DYM: variants seen among roughly 807,000 people sequenced by gnomAD.
DYM encodes the protein dymeclin.
Under a neutral mutation model 93.1 loss-of-function variants are expected in DYM, and 78 were observed. That is an observed-to-expected ratio of 0.84 (90% confidence interval 0.70 to 1.01). DYM has a LOEUF of 1.01. Ranked by LOEUF, DYM falls within the 50% of genes least tolerant of loss-of-function variation. The pLI, the probability that DYM is intolerant of heterozygous loss-of-function variation, is 0.00. For missense variants in DYM, 789 were observed against 845.0 expected (o/e 0.93, Z 0.82); for synonymous variants, 321 against 319.7 (o/e 1.00, Z -0.04).
intron 5 of DYM, among the ~76,000 whole-genome samples, chr18:49,372,010 T>C (rs550513506): frequency 6.6e-6 from 1 of 152,368 alleles, no homozygotes; most frequent in African/African-American, 2.4e-5. Flanking sequence ...AAATGCTGTA[T>C]GTGGAATAAG....
chr18:49,365,028 C>G (rs2066394483), intron 5 of DYM, among the ~76,000 whole-genome samples: 1 of 152,116 alleles, frequency 6.6e-6, no homozygotes, highest in Non-Finnish European at 1.5e-5. Flanking sequence ...GGACTCTATA[C>G]TTCTAGAGGA....
intron 6 of DYM, among the ~76,000 whole-genome samples, chr18:49,345,210 G>C (rs903305033): frequency 1.3e-5 from 2 of 152,002 alleles, no homozygotes. Context: ...TCCCACCAAA[G>C]AGAAGGGGGA....
At chr18:49,216,131 A>C (rs967880936) in intron 13 of DYM, among the ~76,000 whole-genome samples, 1 of 152,228 alleles carries the variant, frequency 6.6e-6, no homozygotes, top group African/African-American at 2.4e-5. Context: ...TCCTACACCC[A>C]CGGAGTCTCA....
chr18:49,221,472 C>T (rs1429243741), intron 13 of DYM, among the ~76,000 whole-genome samples: 2 of 152,078 alleles, frequency 1.3e-5, no homozygotes, highest in East Asian at 3.8e-4. Flanking sequence ...TTTATTGCAG[C>T]ACTATTCACA....
intron 14 of DYM, among the ~76,000 whole-genome samples, chr18:49,174,933 A>G (rs2089214575): frequency 6.6e-6 from 1 of 152,198 alleles, no homozygotes; most frequent in Non-Finnish European, 1.5e-5. Context: ...TTAATACACC[A>G]TAACAGAAAA....
chr18:49,079,612 G>C (rs1167964399), intron 17 of DYM, among the ~76,000 whole-genome samples: 1 of 151,440 alleles, frequency 6.6e-6, no homozygotes, highest in Non-Finnish European at 1.5e-5. Flanking sequence ...GACTCTTAAC[G>C]AGCATGCTGC....
chr18:49,385,466 G>A (rs111583330), intron 3 of DYM, among the ~76,000 whole-genome samples: 1,657 of 152,212 alleles, frequency 0.011, 29 homozygotes, highest in African/African-American at 0.038. Flanking sequence ...AGGCCAAGGC[G>A]GGTGGATCAC....
chr18:49,420,605 C>A (rs952887838), intron 2 of DYM, among the ~76,000 whole-genome samples: 1 of 152,114 alleles, frequency 6.6e-6, no homozygotes, highest in African/African-American at 2.4e-5. Flanking sequence ...ACACAGAAGA[C>A]GGGTGATTTC....
rs1344713107 is a variant in DYM, at chr18:49,292,622, A to C, written c.764-6006T>G. On this transcript the variant is annotated intron_variant, in intron 8 of 17. Transcript: ENST00000675505. ...AAAAAAAAAAAAAAAAAAAAAAAAA[A>C]AAACCCCCACAAAAACCTGTCCACC... Among the ~76,000 whole-genome samples, 625 of 85,410 alleles carry C rather than the reference A, an allele frequency of 7.3e-3. 52 individuals carry two copies. The highest frequency in any genetic ancestry group is 0.011 in the Non-Finnish European group (438 of 40,522). 56.0% of individuals were successfully genotyped at this position (85,410 alleles called of 152,430 possible).
intron 1 of DYM, among the ~76,000 whole-genome samples, chr18:49,450,264 G>GTTGTAAAGGGT (rs1470808885): frequency 6.6e-6 from 1 of 152,190 alleles, no homozygotes; most frequent in Non-Finnish European, 1.5e-5. Flanking sequence ...AACAAAAGGG[G>GTTGTAAAGGGT]TTGTAAAGGG....
At chr18:49,272,467 A>G (rs568866312) in intron 10 of DYM, among the ~76,000 whole-genome samples, 164 bp from the exon 11 acceptor site, 1 of 152,304 alleles carries the variant, frequency 6.6e-6, no homozygotes, top group Non-Finnish European at 1.5e-5. Context: ...TATTTTCCAA[A>G]TGTATAGCTA....
rs1352679512 is a variant in DYM, at chr18:49,244,030, G to A, written c.1460+12980C>T. ...TTTTTTTTTAAAAAAGTCATTAACA[G>A]GAGGAGTGTCACATTGAGTTCCTAT... On this transcript the variant is annotated intron_variant, in intron 13 of 17. Coordinates refer to ENST00000675505, the MANE Select transcript of DYM (RefSeq NM_001353214.3). Among the ~76,000 whole-genome samples, 4 of 148,152 alleles carry A rather than the reference G, an allele frequency of 2.7e-5. No homozygotes were observed. The South Asian group carries it at 8.6e-4, about 32-fold the overall frequency.
chr18:49,336,104 G>T (rs2063651051), intron 6 of DYM, among the ~76,000 whole-genome samples: 1 of 152,182 alleles, frequency 6.6e-6, no homozygotes. Flanking sequence ...ATGAGCCATC[G>T]TGCCAGACTG....
intron 14 of DYM, among the ~76,000 whole-genome samples, chr18:49,194,028 G>C (rs1287099527): frequency 1.3e-5 from 2 of 152,120 alleles, no homozygotes; most frequent in African/African-American, 2.4e-5. Context: ...TAAATCTAAG[G>C]GCTGGCATCA....
intron 6 of DYM, among the ~76,000 whole-genome samples, chr18:49,344,627 T>C (rs2064431289): frequency 6.6e-6 from 1 of 152,126 alleles, no homozygotes; most frequent in Admixed American, 6.5e-5. Context: ...TTTATGTAAG[T>C]TAGTAATAGG....
chr18:49,202,718 G>A (rs2092121239), intron 14 of DYM, among the ~76,000 whole-genome samples: 1 of 62,480 alleles, frequency 1.6e-5, no homozygotes, highest in Non-Finnish European at 3.3e-5. Context: ...GTCTATGCCT[G>A]GCCGCCCCGT....
At chr18:49,332,556 A>T (rs993217699) in intron 7 of DYM, among the ~76,000 whole-genome samples, 2 of 152,210 alleles carry the variant, frequency 1.3e-5, no homozygotes, top group East Asian at 3.8e-4. Context: ...TAACAATAGG[A>T]CTACACTTTT....
intron 2 of DYM, among the ~76,000 whole-genome samples, chr18:49,399,041 C>T (rs1165912414): frequency 1.3e-5 from 2 of 152,200 alleles, no homozygotes; most frequent in Admixed American, 6.5e-5. Context: ...TTCGAAGCTG[C>T]TAAATTTGTT....
In DYM at chr18:49,308,479, C is replaced by G. The variant is rs923476991; in HGVS notation, c.764-21863G>C. ...TCATGAAAACATCCCGGCTTTGAAG[C>G]CACACATGATTTTAAAGTCCAGTCC... is the stretch of plus-strand genomic sequence containing the variant. On this transcript the variant is annotated intron_variant, in intron 8 of 17. Coordinates refer to ENST00000675505, the MANE Select transcript of DYM (RefSeq NM_001353214.3). Among the ~76,000 whole-genome samples, 10 of 152,082 alleles carry G rather than the reference C, an allele frequency of 6.6e-5. 1 individual carries two copies. The highest frequency in any genetic ancestry group is 2.4e-4 in the African/African-American group (10 of 41,392).
Sources: gnomAD v4.1 joint callset for allele counts (sites outside exome capture counted in the v4.1 genomes callset) on GRCh38, gnomAD v4.1.1 for gene constraint, MANE v1.5 for transcripts, NCBI Gene and HGNC (gene_info 2026-07-23, HGNC 2026-07-21) for gene names.